IL12RB1: variants seen among roughly 807,000 people sequenced by gnomAD.
The protein encoded by IL12RB1 is interleukin 12 receptor subunit beta 1.
A neutral mutation model predicts 94.4 loss-of-function variants in IL12RB1; 64 were observed. That is an observed-to-expected ratio of 0.68 (90% confidence interval 0.55 to 0.83). The LOEUF is 0.83. Among genes scored for constraint, IL12RB1 ranks in the 40% least tolerant of loss-of-function variants. The pLI is 0.00. For synonymous variants in IL12RB1, 362 were observed against 355.5 expected (o/e 1.02, Z -0.21); for missense variants, 814 against 855.6 (o/e 0.95, Z 0.61).
intron 3 of IL12RB1, among the ~76,000 whole-genome samples, chr19:18,081,604 T>C (rs1364567235): frequency 1.3e-5 from 2 of 151,424 alleles, no homozygotes. Flanking sequence ...GTGGATCACC[T>C]GAGGCCAGGA....
chr19:18,070,098 T>C (rs1413670181), intron 9 of IL12RB1, among the ~76,000 whole-genome samples: 1 of 152,090 alleles, frequency 6.6e-6, no homozygotes, highest in Non-Finnish European at 1.5e-5. Context: ...TTATTATTTT[T>C]TGGTGGAGAT....
chr19:18,076,123 C>T (rs17879704), intron 6 of IL12RB1, among the ~76,000 whole-genome samples, 174 bp downstream of exon 6: 1 of 152,100 alleles, frequency 6.6e-6, no homozygotes, highest in African/African-American at 2.4e-5. Context: ...CTTCTCACCC[C>T]CTCCAAGTCG....
rs374424762 is a variant in IL12RB1, at chr19:18,066,679, G to C, written c.1346C>G (p.Pro449Arg). Residue 449 changes from proline to arginine, a missense_variant, in exon 12 of 17, where the codon CCG becomes CGG. Transcript: ENST00000593993. Reference protein sequence around the residue: ...FGGNASAAGTPHHVSVKNHSL... With the variant: ...FGGNASAAGTRHHVSVKNHSL... ...ATGATTCTTCACCGAGACGTGGTGC[G>C]GTGTCCCAGCTGCTGAGGCTGCAAC... The C allele has an allele frequency of 4.4e-6, 7 of 1,609,058 alleles. No homozygotes were observed. Among genetic ancestry groups the C allele is most frequent in the Non-Finnish European group, 6.0e-6 (7 of 1,176,376 alleles).
In IL12RB1 at chr19:18,059,996, C is replaced by T. The variant is rs761401659; in HGVS notation, c.1881G>A (p.Glu627=). The change falls in exon 16 of 17, where the codon GAG becomes GAA. Residue 627 remains glutamate, a synonymous_variant. Coordinates refer to ENST00000593993, the MANE Select transcript of IL12RB1 (RefSeq NM_005535.3). ...CTGTCTTCTCGAGAGGCTCAGTCCT[C>T]TCGCCTTTGTCCCAGGACATCTCTA... ...LVVEMSWDKG[E]RTEPLEKTEL... The T allele has an allele frequency of 3.7e-6, 6 of 1,601,908 alleles. No homozygotes were observed. In the Admixed American group the frequency reaches 1.0e-4, roughly 27 times the overall value.
intron 1 of IL12RB1, among the ~76,000 whole-genome samples, chr19:18,092,093 T>G (rs1599596162): frequency 6.6e-6 from 1 of 151,328 alleles, no homozygotes; most frequent in South Asian, 2.1e-4. Context: ...TCCAGGCTGG[T>G]CTCAAATGCC....
At chr19:18,074,817 C>A (rs996092840) in intron 7 of IL12RB1, among the ~76,000 whole-genome samples, 1 of 151,702 alleles carries the variant, frequency 6.6e-6, no homozygotes, top group African/African-American at 2.4e-5. Context: ...TTTGGGAGGC[C>A]GAGGAGGGCA....
rs539565164 is a variant in IL12RB1 at position 18,094,976 on chromosome 19, G to C, written c.-230+3779C>G. 3.6e-3 allele frequency among the ~76,000 whole-genome samples: 541 copies of C among 152,142 alleles called. 3 individuals are homozygous for C. The highest frequency in any genetic ancestry group is 5.5e-3 in the Non-Finnish European group (376 of 68,002). On this transcript the variant is annotated intron_variant, in intron 1 of 4. Transcript: ENST00000594176. Reference sequence around the variant, plus strand: ...TGGATCACTTAAAGGTCAGGAGTTTGAGACCAGCCTGGCCAACATGGTGAA... The same window carrying C: ...TGGATCACTTAAAGGTCAGGAGTTTCAGACCAGCCTGGCCAACATGGTGAA...
chr19:18,083,172 C>T, intron 2 of IL12RB1: 1 of 591,046 alleles, frequency 1.7e-6, no homozygotes, highest in Non-Finnish European at 3.0e-6. Flanking sequence ...CTCCCATGTA[C>T]CGACCAATCT....
chr19:18,087,389 T>C (rs1259336247), upstream of IL12RB1, among the ~76,000 whole-genome samples: 1 of 152,022 alleles, frequency 6.6e-6, no homozygotes, highest in Non-Finnish European at 1.5e-5. Flanking sequence ...TTTGTATTTT[T>C]AGTAGAGACA....
At position 18,072,354 on chromosome 19, in the gene IL12RB1, C is replaced by A; in HGVS notation, c.784-5G>T. 6.2e-7 allele frequency: 1 copy of A among 1,603,756 alleles called. No individual in the cohort carries two copies. The highest frequency in any genetic ancestry group is 1.1e-5 in the South Asian group (1 of 90,780). ...TGGAAGCTCCAGCTGGGTTGGCTGT[C>A]AGGAGTATGAAAGACAGCTTGTGGG... is the stretch of plus-strand genomic sequence containing the variant. On this transcript the variant is annotated splice_region_variant and splice_polypyrimidine_tract_variant and intron_variant, in intron 8 of 16. Coordinates refer to ENST00000593993, the MANE Select transcript of IL12RB1 (RefSeq NM_005535.3).
intron 4 of IL12RB1, 104 bp from the exon 5 acceptor site, chr19:18,077,759 A>G: frequency 2.6e-6 from 2 of 766,210 alleles, no homozygotes; most frequent in Non-Finnish European, 4.8e-6. Context: ...ATCCCTAAAT[A>G]TGAATTAGGG....
intron 11 of IL12RB1, among the ~76,000 whole-genome samples, chr19:18,067,027 T>TAAA (rs34124195): frequency 7.7e-6 from 1 of 129,570 alleles, no homozygotes; most frequent in Non-Finnish European, 1.6e-5. Flanking sequence ...ACCCTGTCTT[T>TAAA]AAAAAAAAAA....
At chr19:18,060,831 C>T (rs1359979021) in intron 15 of IL12RB1, among the ~76,000 whole-genome samples, 2 of 152,140 alleles carry the variant, frequency 1.3e-5, no homozygotes, top group East Asian at 1.9e-4. Context: ...GAACCCTGAA[C>T]GGGCAGCTCC....
At chr19:18,075,985 C>A in intron 6 of IL12RB1, 117 bp from the exon 7 acceptor site, 1 of 1,023,148 alleles carries the variant, frequency 9.8e-7, no homozygotes, top group Non-Finnish European at 1.5e-6. Flanking sequence ...GTGCTGGGTC[C>A]TGGGGGCTCA....
At position 18,068,374 on chromosome 19, in the gene IL12RB1, G is replaced by C; in HGVS notation, c.1327+15C>G. On this transcript the variant is annotated intron_variant, in intron 11 of 16. Transcript: ENST00000593993. ...AAGAAAAAATAATGTAAACCTGCAG[G>C]TTTGGGTCACTTACCATTGCCCCCA... 6.2e-7 allele frequency: 1 copy of C among 1,600,692 alleles called. No homozygotes were observed. The highest frequency in any genetic ancestry group is 8.5e-7 in the Non-Finnish European group (1 of 1,172,886).
At chr19:18,067,458 A>C (rs551010764) in intron 11 of IL12RB1, among the ~76,000 whole-genome samples, 1 of 151,376 alleles carries the variant, frequency 6.6e-6, no homozygotes, top group East Asian at 1.9e-4. Context: ...TGGTTCTGCC[A>C]CTCAGTCACT....
At chr19:18,074,938 G>A (rs1380095219) in intron 7 of IL12RB1, among the ~76,000 whole-genome samples, 1 of 151,684 alleles carries the variant, frequency 6.6e-6, no homozygotes, top group Admixed American at 6.6e-5. Context: ...TGTAGTCCCA[G>A]CTACTTGGGA....
At position 18,072,340 on chromosome 19, in the gene IL12RB1, G is replaced by A. The variant is rs1199937410; in HGVS notation, c.793C>T (p.Leu265=). The A allele has an allele frequency of 6.2e-7, 1 of 1,612,614 alleles. No homozygotes were observed. Among genetic ancestry groups the A allele is most frequent in the Non-Finnish European group, 8.5e-7 (1 of 1,178,702 alleles). Residue 265 remains leucine (L), a synonymous_variant, in exon 9 of 17, where the codon CTG becomes TTG. Transcript: ENST00000593993. ...RLTLKEQPTQ[L]ELPEGCQGLA... ...CCTTGACAGCCTTCTGGAAGCTCCA[G>A]CTGGGTTGGCTGTCAGGAGTATGAA... is the stretch of plus-strand genomic sequence containing the variant.
chr19:18,084,148 C>G (rs1410926125), intron 1 of IL12RB1, among the ~76,000 whole-genome samples: 1 of 151,302 alleles, frequency 6.6e-6, no homozygotes, highest in Non-Finnish European at 1.5e-5. Flanking sequence ...TCCATGTGTT[C>G]ATTCATCCAT....
Sources: allele counts gnomAD v4.1 joint callset (sites outside exome capture counted in the v4.1 genomes callset), GRCh38; gene constraint gnomAD v4.1.1; transcripts MANE v1.5; gene names NCBI Gene and HGNC (gene_info 2026-07-23, HGNC 2026-07-21).